UBAP2L: variants seen among roughly 807,000 people sequenced by gnomAD.
The protein encoded by UBAP2L is ubiquitin-associated protein 2-like.
UBAP2L carries 12 observed loss-of-function variants against 130.6 expected under a neutral mutation model. That is an observed-to-expected ratio of 0.09 (90% CI 0.06 to 0.15). The LOEUF (loss-of-function observed/expected upper bound fraction) is 0.15, where lower values mean the gene tolerates loss of function less well. Among genes scored for constraint, UBAP2L ranks in the 10% least tolerant of loss-of-function variants. The probability of loss-of-function intolerance (pLI) is 1.00; values close to 1 mark genes in which losing one functional copy is unlikely to be tolerated. For synonymous variants in UBAP2L, 503 were observed against 524.7 expected, an observed-to-expected ratio of 0.96 and a Z score of 0.57; for missense variants, 965 against 1,332.5, an observed-to-expected ratio of 0.72 and a Z score of 4.29.
chr1:154,251,485 C>G lies in UBAP2L; in HGVS notation c.1496C>G (p.Pro499Arg). 6.2e-7 allele frequency: 1 copy of G among 1,613,670 alleles called. No individual in the cohort carries two copies. Among genetic ancestry groups the G allele is most frequent in the Non-Finnish European group, 8.5e-7 (1 of 1,179,910 alleles). The change falls in exon 14 of 27, where the codon CCT becomes CGT. Residue 499 changes from proline (P) to arginine (R), a missense_variant. This residue lies in a region of UBAP2L where 393 missense variants were observed against 408.1 expected (regional missense o/e 0.96). Transcript: ENST00000428931. ...KKKASLTSKIPALAVEMPGSA... is the reference protein window; with the variant it reads ...KKKASLTSKIRALAVEMPGSA... ...TCTTCTCCTTCAACTTTATAGATTC[C>G]TGCTCTGGCTGTGGAGATGCCTGGC...
chr1:154,260,926 C>G lies in UBAP2L; in HGVS notation c.2613C>G (p.Ser871=), dbSNP rs1311044096. 1 of 1,614,104 alleles carries G rather than the reference C, an allele frequency of 6.2e-7. No homozygotes were observed. The highest frequency in any genetic ancestry group is 1.3e-5 in the African/African-American group (1 of 74,940). ...DLTKFGRGDA[S]SPAPATTLAQ... is the part of the protein sequence containing the mutation. ...CAAAGTTCGGCCGTGGGGATGCCTC[C>G]TCCCCAGCCCCGGCCACAACCTTGG... The change falls in exon 23 of 27, where the codon TCC becomes TCG. Residue 871 remains serine (S), a synonymous_variant. Transcript: ENST00000428931.
chr1:154,241,510 C>T lies in UBAP2L; in HGVS notation c.704-3C>T, dbSNP rs756845359. 5.6e-6 allele frequency: 9 copies of T among 1,613,710 alleles called. No individual in the cohort carries two copies. In the Admixed American group the frequency reaches 1.5e-4, roughly 27 times the overall value. ...TTACTTCACTATTTTTCTTTATTCTCAGGTGCATGGAGGACTGCAACAGAG... is the reference window on the plus strand; with the variant it reads ...TTACTTCACTATTTTTCTTTATTCTTAGGTGCATGGAGGACTGCAACAGAG... On this transcript the variant is annotated splice_region_variant and splice_polypyrimidine_tract_variant and intron_variant, in intron 8 of 26. Transcript: ENST00000428931.
At position 154,235,268 on chromosome 1, in the gene UBAP2L, G is replaced by C; in HGVS notation, c.521G>C (p.Arg174Thr). Residue 174 changes from arginine (R) to threonine (T), a missense_variant, in exon 6 of 27, where the codon AGA (arginine) becomes ACA (threonine). Physicochemically the swap from Arg to Thr is moderately conservative, Grantham distance 71. This residue lies in a region of UBAP2L where 109 missense variants were observed against 146.6 expected (regional missense o/e 0.74). Transcript: ENST00000428931. Reference protein sequence around the residue: ...GPSGRGTERGRRGRGRGRGGS... With the variant: ...GPSGRGTERGTRGRGRGRGGS... ...TCTGGAAGAGGAACAGAAAGAGGCA[G>C]AAGGGGCCGTGGCCGAGGCAGAGGT... 1.3e-6 allele frequency: 1 copy of C among 779,110 alleles called. No homozygotes were observed. Among genetic ancestry groups the C allele is most frequent in the South Asian group, 1.3e-5 (1 of 74,208 alleles). 48.3% of individuals were successfully genotyped at this position (779,110 alleles called of 1,614,324 possible).
chr1:154,238,432 G>C (rs1236890939), intron 8 of UBAP2L, among the ~76,000 whole-genome samples: 3 of 152,122 alleles, frequency 2.0e-5, no homozygotes, highest in Non-Finnish European at 4.4e-5. Context: ...GCTTATTCCT[G>C]GGTATTTGGC....
intron 20 of UBAP2L, 194 bp from the exon 21 acceptor site, chr1:154,258,783 A>G (rs1044360486): frequency 3.8e-6 from 2 of 520,952 alleles, no homozygotes; most frequent in African/African-American, 3.9e-5. Context: ...GAAAGCTTCA[A>G]GACCTTTCAT....
intron 23 of UBAP2L, among the ~76,000 whole-genome samples, 162 bp from the exon 24 acceptor site, chr1:154,261,430 A>G (rs1183242956): frequency 6.6e-6 from 1 of 152,062 alleles, no homozygotes; most frequent in Non-Finnish European, 1.5e-5. Context: ...TCATTAGTAG[A>G]TTCTAGAACA....
At position 154,270,770 on chromosome 1, in the gene UBAP2L, G is replaced by GTTTTTTTT. The variant is rs370017648; in HGVS notation, c.*484_*491dup. On this transcript the variant is annotated 3_prime_UTR_variant, in exon 27 of 27. Transcript: ENST00000428931. The stretch of plus-strand genomic sequence containing the variant: ...AATTAGTTGAAGTGGTTTTTTTTTT[G>GTTTTTTTT]TTTTTTTTTTTTTTTTGTACTGTGT... 234 of 922,742 alleles carry GTTTTTTTT rather than the reference G, an allele frequency of 2.5e-4. 2 individuals are homozygous for GTTTTTTTT. The highest frequency in any genetic ancestry group is 8.9e-4 in the East Asian group (10 of 11,230). The allele number at this position is 922,742 out of a possible 1,614,324, so 57.2% of individuals were successfully genotyped here.
chr1:154,255,430 T>C, intron 17 of UBAP2L, 104 bp downstream of exon 17: 1 of 1,445,516 alleles, frequency 6.9e-7, no homozygotes, highest in Non-Finnish European at 9.3e-7. Context: ...TTAGCCCTGC[T>C]TTTGTCGTAA....
At chr1:154,263,095 C>T in intron 24 of UBAP2L, 1 of 1,551,342 alleles carries the variant, frequency 6.4e-7, no homozygotes, top group Non-Finnish European at 8.7e-7. Flanking sequence ...GTATTTGATT[C>T]CTTTTAGGAA....
intron 26 of UBAP2L, chr1:154,269,653 C>G (rs372636633): frequency 2.9e-6 from 1 of 346,616 alleles, no homozygotes; most frequent in Non-Finnish European, 5.7e-6. Context: ...GGAAAAGATT[C>G]TTGGGGCAGC....
chr1:154,227,548 G>GTTTT (rs140500910), intron 3 of UBAP2L, among the ~76,000 whole-genome samples, 189 bp downstream of exon 3: 6 of 149,648 alleles, frequency 4.0e-5, no homozygotes, highest in Non-Finnish European at 1.5e-5. Context: ...CCTTTGTTTT[G>GTTTT]TTTTTTGTTT....
chr1:154,251,077 C>A lies in UBAP2L; in HGVS notation c.1250C>A (p.Pro417His). The stretch of plus-strand genomic sequence containing the variant: ...CCAAGTGATTCAGCAGTGCACAGCC[C>A]CTTTACAAAGCGCCAGGCTTTTACC... The part of the protein sequence containing the change: ...KNPSDSAVHS[P>H]FTKRQAFTPS... The change falls in exon 13 of 27, where the codon CCC becomes CAC. Residue 417 changes from proline to histidine, a missense_variant. Transcript: ENST00000428931. 1 of 1,613,982 alleles carries A rather than the reference C, an allele frequency of 6.2e-7. No individual in the cohort carries two copies. The highest frequency in any genetic ancestry group is 8.5e-7 in the Non-Finnish European group (1 of 1,179,978).
intron 8 of UBAP2L, among the ~76,000 whole-genome samples, chr1:154,240,720 TC>T (rs1198887394): frequency 6.6e-6 from 1 of 152,064 alleles, no homozygotes; most frequent in Non-Finnish European, 1.5e-5. Flanking sequence ...CACTGCTCTT[TC>T]ACTAACCATT....
intron 9 of UBAP2L, 129 bp from the exon 10 acceptor site, chr1:154,243,088 C>T: frequency 1.4e-6 from 1 of 696,676 alleles, no homozygotes; most frequent in Non-Finnish European, 2.5e-6. Flanking sequence ...ATTCAGGATT[C>T]CTCAGGGTAG....
chr1:154,251,798 T>C, intron 14 of UBAP2L, 145 bp downstream of exon 14: 1 of 886,400 alleles, frequency 1.1e-6, no homozygotes, highest in Non-Finnish European at 1.7e-6. Flanking sequence ...TTTAGTGCTT[T>C]AAAATATTGT....
chr1:154,221,021 C>A lies in UBAP2L; in HGVS notation c.-41+46C>A, dbSNP rs1665733265. 3 of 204,500 alleles carry A rather than the reference C, an allele frequency of 1.5e-5. No homozygotes were observed. In the South Asian group the frequency reaches 1.6e-4, roughly 11 times the overall value. 12.7% of individuals were successfully genotyped at this position (204,500 alleles called of 1,614,324 possible). ...GCGTTGGCGGCGGCGGCGGCGGCAG[C>A]GGCAGCGCGGCGGGGCCGGGTATTG... On this transcript the variant is annotated intron_variant, in intron 1 of 26. Transcript: ENST00000428931.
chr1:154,253,291 G>A (rs532539461), intron 14 of UBAP2L, among the ~76,000 whole-genome samples: 2 of 150,008 alleles, frequency 1.3e-5, no homozygotes, highest in East Asian at 2.0e-4. Context: ...CATGAGCCAC[G>A]GCTTCCGGGT....
chr1:154,268,685 T>C, intron 25 of UBAP2L, 72 bp from the exon 26 acceptor site: 1 of 1,503,824 alleles, frequency 6.6e-7, no homozygotes, highest in Non-Finnish European at 9.2e-7. Context: ...TCAGGGAGCT[T>C]GAGCTCAGGA....
intron 25 of UBAP2L, among the ~76,000 whole-genome samples, chr1:154,267,124 G>C (rs960038185): frequency 1.5e-5 from 2 of 135,452 alleles, no homozygotes; most frequent in African/African-American, 5.4e-5. Flanking sequence ...CTCAGTATGT[G>C]TTTATTTCTT....
Sources: allele counts gnomAD v4.1 joint callset (sites outside exome capture counted in the v4.1 genomes callset), GRCh38; gene constraint gnomAD v4.1.1; regional missense constraint gnomAD v4.1.1; transcripts MANE v1.5; gene names NCBI Gene and HGNC (gene_info 2026-07-23, HGNC 2026-07-21).